Variants in CELF4 observed in about 807,000 individuals in gnomAD.
CELF4 encodes the protein CUGBP Elav-like family member 4.
Under a neutral mutation model 59.9 loss-of-function variants are expected in CELF4, and 18 were observed. The ratio of observed to expected loss-of-function variants is 0.30; its 90% CI spans 0.21 to 0.45. CELF4 has a LOEUF of 0.45. Among genes scored for constraint, CELF4 ranks in the 20% least tolerant of loss-of-function variants. The probability of loss-of-function intolerance (pLI) is 1.00; values close to 1 mark genes in which losing one functional copy is unlikely to be tolerated. For synonymous variants in CELF4, 261 were observed against 267.1 expected (o/e 0.98, Z 0.22); for missense variants, 456 against 689.0 (o/e 0.66, Z 3.79).
At chr18:37,412,656 A>G (rs1322761151) in intron 2 of CELF4, among the ~76,000 whole-genome samples, 1 of 152,004 alleles carries the variant, frequency 6.6e-6, no homozygotes, top group Non-Finnish European at 1.5e-5. Context: ...GAATGGGTGA[A>G]TGGATGGATA....
At position 37,478,013 on chromosome 18, in the gene CELF4, G is replaced by A. The variant is rs780312659; in HGVS notation, c.369+7512C>T. On this transcript the variant is annotated intron_variant, in intron 2 of 12. Coordinates refer to ENST00000420428, the MANE Select transcript of CELF4 (RefSeq NM_020180.4). ...GGAGCAGGCAGTCTGGCTGCTCTGC[G>A]TCAGGGAGAGACATATCTGACCCAC... Among the ~76,000 whole-genome samples the A allele has an allele frequency of 8.9e-4, 136 of 152,306 alleles. 1 individual carries two copies. Among genetic ancestry groups the A allele is most frequent in the African/African-American group, 2.7e-3 (113 of 41,558 alleles).
intron 11 of CELF4, among the ~76,000 whole-genome samples, chr18:37,258,238 C>T (rs1047347828): frequency 2.6e-5 from 4 of 151,998 alleles, no homozygotes; most frequent in Non-Finnish European, 5.9e-5. Flanking sequence ...CCACCATTTC[C>T]ACTGCCTACC....
chr18:37,270,883 G>A lies in CELF4; in HGVS notation c.984C>T (p.Ala328=), dbSNP rs1443638. The change falls in exon 8 of 13, where the codon GCC becomes GCT. Residue 328 remains alanine (A), a synonymous_variant. Transcript: ENST00000420428. ...GSTPPGITAP[A]VPSIPSPIGV... ...CAATGGGGGATGGGATGCTAGGCAC[G>A]GCTGGTGCAGTGATGCCCGGAGGGG... is the stretch of plus-strand genomic sequence containing the variant. The A allele has an allele frequency of 0.33, 531,102 of 1,612,020 alleles. 91,428 individuals carry two copies. Among genetic ancestry groups the A allele is most frequent in the Non-Finnish European group, 0.36 (421,138 of 1,179,132 alleles).
chr18:37,409,411 G>C (rs1438248554), intron 2 of CELF4, among the ~76,000 whole-genome samples: 1 of 152,182 alleles, frequency 6.6e-6, no homozygotes, highest in Non-Finnish European at 1.5e-5. Context: ...TTGTGGGGGA[G>C]GGTTGGGCAG....
chr18:37,257,272 C>G (rs1409181050), intron 11 of CELF4, among the ~76,000 whole-genome samples: 2 of 152,196 alleles, frequency 1.3e-5, no homozygotes, highest in Admixed American at 1.3e-4. Context: ...CCAGAGCTTC[C>G]TGGGCTCTCA....
chr18:37,278,855 G>A (rs543660308), intron 3 of CELF4, among the ~76,000 whole-genome samples: 1 of 152,290 alleles, frequency 6.6e-6, no homozygotes, highest in South Asian at 2.1e-4. Flanking sequence ...CAGCTGAGAT[G>A]GACAACATCT....
At chr18:37,515,788 G>A (rs928407064) in intron 1 of CELF4, among the ~76,000 whole-genome samples, 1 of 152,120 alleles carries the variant, frequency 6.6e-6, no homozygotes, top group African/African-American at 2.4e-5. Flanking sequence ...GCCAGTAAGT[G>A]CTGACTGGGA....
chr18:37,516,320 G>A (rs1258089649), intron 1 of CELF4, among the ~76,000 whole-genome samples: 1 of 152,024 alleles, frequency 6.6e-6, no homozygotes, highest in Non-Finnish European at 1.5e-5. Context: ...TCCCACCACT[G>A]TTAAGCATCG....
chr18:37,326,505 G>C (rs1270655447), intron 2 of CELF4, among the ~76,000 whole-genome samples: 1 of 152,134 alleles, frequency 6.6e-6, no homozygotes, highest in East Asian at 1.9e-4. Flanking sequence ...TTCTCTTTCA[G>C]AGATGTCCTC....
intron 2 of CELF4, among the ~76,000 whole-genome samples, chr18:37,416,343 C>G (rs1281837593): frequency 2.6e-5 from 4 of 152,170 alleles, no homozygotes; most frequent in African/African-American, 9.7e-5. Context: ...AGATCCTCCC[C>G]CTGTCAGAAC....
chr18:37,322,938 C>A (rs1336970347), intron 2 of CELF4, among the ~76,000 whole-genome samples: 1 of 152,176 alleles, frequency 6.6e-6, no homozygotes, highest in African/African-American at 2.4e-5. Flanking sequence ...CACCACGTGG[C>A]AGGACATGGC....
intron 3 of CELF4, among the ~76,000 whole-genome samples, chr18:37,302,077 AC>A (rs1428808238): frequency 1.1e-4 from 17 of 152,234 alleles, no homozygotes; most frequent in African/African-American, 4.1e-4. Context: ...ATATATGTTG[AC>A]TTTCACAGCG....
At chr18:37,454,985 T>C (rs1189364185) in intron 2 of CELF4, among the ~76,000 whole-genome samples, 1 of 152,094 alleles carries the variant, frequency 6.6e-6, no homozygotes, top group Non-Finnish European at 1.5e-5. Flanking sequence ...CAAAGTCCCA[T>C]CCCATCTCCC....
rs147278997 is a variant in CELF4 at position 37,392,785 on chromosome 18, G to C, written c.370-70904C>G. Among the ~76,000 whole-genome samples the C allele has an allele frequency of 5.4e-4, 82 of 152,326 alleles. 1 individual carries two copies. In the East Asian group the frequency reaches 0.011, roughly 20 times the overall value. On this transcript the variant is annotated intron_variant, in intron 2 of 12. Transcript: ENST00000420428. Reference sequence around the variant, plus strand: ...TGAGCATGCTTCAGTGGTCCCTCAGGTCTCAGCTCAAAGTCACCTCAGTAG... The same window carrying C: ...TGAGCATGCTTCAGTGGTCCCTCAGCTCTCAGCTCAAAGTCACCTCAGTAG...
chr18:37,407,833 G>A (rs1247965439), intron 2 of CELF4, among the ~76,000 whole-genome samples: 1 of 152,062 alleles, frequency 6.6e-6, no homozygotes, highest in Non-Finnish European at 1.5e-5. Context: ...GTCCTATTCG[G>A]ATAAGCAGGA....
At chr18:37,535,393 T>C (rs901130633) in intron 1 of CELF4, among the ~76,000 whole-genome samples, 1 of 152,198 alleles carries the variant, frequency 6.6e-6, no homozygotes, top group Non-Finnish European at 1.5e-5. Context: ...AGACAATTGC[T>C]CCTGTTTCAA....
intron 1 of CELF4, among the ~76,000 whole-genome samples, chr18:37,531,996 T>C (rs546416231): frequency 5.9e-5 from 9 of 152,348 alleles, no homozygotes; most frequent in Non-Finnish European, 1.0e-4. Flanking sequence ...TCCCTGTCCA[T>C]CGCCTATGGC....
rs118106650 is a variant in CELF4 at position 37,244,623 on chromosome 18, G to A, written c.*619C>T. The A allele has an allele frequency of 7.2e-4, 108 of 149,400 alleles. 1 individual carries two copies. The East Asian group carries it at 0.02, about 28-fold the overall frequency. The allele number at this position is 149,400 out of a possible 1,614,324, so 9.3% of individuals were successfully genotyped here. On this transcript the variant is annotated 3_prime_UTR_variant, in exon 13 of 13. Transcript: ENST00000420428. ...TTTTATTACATTTTTTCATAGAATC[G>A]CTCTAAGCTGTTTCAAGAACAGCCA... is the stretch of plus-strand genomic sequence containing the variant.
intron 3 of CELF4, among the ~76,000 whole-genome samples, chr18:37,307,716 G>T (rs1211452131): frequency 6.6e-6 from 1 of 152,136 alleles, no homozygotes; most frequent in Non-Finnish European, 1.5e-5. Flanking sequence ...AGGCTGTGGG[G>T]CCTGGTGGCC....
Sources: allele counts gnomAD v4.1 joint callset (sites outside exome capture counted in the v4.1 genomes callset), GRCh38; gene constraint gnomAD v4.1.1; transcripts MANE v1.5; gene names NCBI Gene and HGNC (gene_info 2026-07-23, HGNC 2026-07-21).